The following KIAA1614 variants were observed in gnomAD, a reference collection of about 807,000 sequenced individuals.
KIAA1614 encodes KIAA1614.
In KIAA1614, 76 loss-of-function variants were observed where a neutral mutation model predicts 88.7. That is an observed-to-expected ratio of 0.86 (90% CI 0.71 to 1.04). The LOEUF (loss-of-function observed/expected upper bound fraction) is 1.04, where lower values mean the gene tolerates loss of function less well. Among genes scored for constraint, KIAA1614 ranks in the 50% least tolerant of loss-of-function variants. KIAA1614 has a pLI of 0.00. For synonymous variants in KIAA1614, 714 were observed against 675.5 expected (o/e 1.06, Z -0.88); for missense variants, 1,553 against 1,582.5 (o/e 0.98, Z 0.32).
Position 180,935,457 on chromosome 1 carries a change from G to T in KIAA1614, c.1548G>T (p.Val516=). 1 of 1,469,968 alleles carries T rather than the reference G, an allele frequency of 6.8e-7. No individual in the cohort carries two copies. Among genetic ancestry groups the T allele is most frequent in the Non-Finnish European group, 9.0e-7 (1 of 1,117,024 alleles). The allele number at this position is 1,469,968 out of a possible 1,614,324, so 91.1% of individuals were successfully genotyped here. A position where few individuals can be genotyped will look rare whatever the true frequency, so the allele number is the denominator to read the frequency against. The change falls in exon 5 of 9, where the codon GTG becomes GTT. Residue 516 remains valine, a synonymous_variant. Transcript: ENST00000367588. The surrounding 1 kb of genome is among the most constrained non-coding windows in gnomAD (Gnocchi z 6.1). ...GGCAGGGGACATTCCACAGGCTTGT[G>T]GGCAGCCTGGACCGCAGGGGACACC... ...DAGQGTFHRL[V]GSLDRRGHPA...
chr1:180,926,920 G>A (rs1654082623), intron 3 of KIAA1614, among the ~76,000 whole-genome samples: 1 of 152,236 alleles, frequency 6.6e-6, no homozygotes, highest in Non-Finnish European at 1.5e-5. Context: ...AGCCCTCCTT[G>A]TTCCAAAGCC....
Position 180,941,260 on chromosome 1 carries a change from C to T in KIAA1614, c.3134C>T (p.Ala1045Val). The T allele has an allele frequency of 6.2e-7, 1 of 1,611,676 alleles. No individual in the cohort carries two copies. Among genetic ancestry groups the T allele is most frequent in the African/African-American group, 1.3e-5 (1 of 74,998 alleles). The change falls in exon 7 of 9, where the codon GCC (alanine) becomes GTC (valine). Residue 1045 changes from alanine to valine, a missense_variant. By Grantham distance (64) the Ala-to-Val change is moderately conservative (BLOSUM62 0). Transcript: ENST00000367588. ...CCTGGCCTGACGTCACAGTCCAGGG[C>T]CCCATCGTTACAATCCCTGCACCCG... ...APPGLTSQSR[A>V]PSLQSLHPVS... is the part of the protein sequence containing the mutation.
intron 1 of KIAA1614, among the ~76,000 whole-genome samples, 168 bp from the exon 2 acceptor site, chr1:180,915,986 T>TGGCACCAGAG (rs1270277971): frequency 1.3e-5 from 2 of 152,180 alleles, no homozygotes; most frequent in African/African-American, 2.4e-5. Context: ...CCAGTCCCTC[T>TGGCACCAGAG]GGTGCCAAAA....
At chr1:180,921,455 C>T (rs537685490) in intron 3 of KIAA1614, among the ~76,000 whole-genome samples, 13 of 152,048 alleles carry the variant, frequency 8.5e-5, no homozygotes, top group South Asian at 6.2e-4. Flanking sequence ...ACCTCTGTGG[C>T]GGGGGGAGTT....
rs1200296167 is a variant in KIAA1614 at position 180,944,577 on chromosome 1, C to G, written c.3287+61C>G. ...AGAGAGTGACCAGCGGAGCCAAAAGCTTAACTCCTTCCTGCCTCAGCATCA... is the reference window on the plus strand; with the variant it reads ...AGAGAGTGACCAGCGGAGCCAAAAGGTTAACTCCTTCCTGCCTCAGCATCA... On this transcript the variant is annotated intron_variant, in intron 8 of 8. Coordinates refer to ENST00000367588, the MANE Select transcript of KIAA1614 (RefSeq NM_020950.2). 5 of 1,562,364 alleles carry G rather than the reference C, an allele frequency of 3.2e-6. No individual in the cohort carries two copies. The South Asian group carries it at 4.6e-5, about 14-fold the overall frequency.
Position 180,945,526 on chromosome 1 carries a change from G to C in KIAA1614, c.3511G>C (p.Gly1171Arg), listed in dbSNP as rs145566296. The change falls in exon 9 of 9, where the codon GGC becomes CGC. Residue 1171 changes from glycine (G) to arginine (R), a missense_variant. Gly to Arg is a moderately radical substitution (Grantham distance 125). Coordinates refer to ENST00000367588, the MANE Select transcript of KIAA1614 (RefSeq NM_020950.2). Reference protein sequence around the residue: ...SPLPQPHGWGGLSKQGRAFWL... With the variant: ...SPLPQPHGWGRLSKQGRAFWL... ...TCTTCCTCAGCCCCATGGCTGGGGC[G>C]GCCTTAGCAAACAAGGCAGGGCCTT... is the stretch of plus-strand genomic sequence containing the variant. The C allele has an allele frequency of 6.2e-7, 1 of 1,613,662 alleles. No individual in the cohort carries two copies. Among genetic ancestry groups the C allele is most frequent in the African/African-American group, 1.3e-5 (1 of 74,930 alleles).
intron 2 of KIAA1614, among the ~76,000 whole-genome samples, chr1:180,917,418 C>A (rs569449175): frequency 6.6e-6 from 1 of 151,766 alleles, no homozygotes; most frequent in East Asian, 2.0e-4. Context: ...GGCTTTTTGC[C>A]TCTCCCTCAA....
At chr1:180,928,400 C>A in intron 3 of KIAA1614, 30 bp from the exon 4 acceptor site, 2 of 1,513,230 alleles carry the variant, frequency 1.3e-6, no homozygotes, top group South Asian at 1.3e-5. Context: ...ATCCCTCCCC[C>A]ACCACCCTGG....
In KIAA1614 at chr1:180,916,602, C is replaced by A; in HGVS notation, c.499C>A (p.Pro167Thr). ...GGAGCAACCCGCCAGGGATGGAGGCCCCAGGCTTCCCAGGCCGCCTGCCCC... is the reference window on the plus strand; with the variant it reads ...GGAGCAACCCGCCAGGGATGGAGGCACCAGGCTTCCCAGGCCGCCTGCCCC... ...NEEQPARDGG[P>T]RLPRPPAPGR... The change falls in exon 2 of 9, where the codon CCC becomes ACC. Residue 167 changes from proline (P) to threonine (T), a missense_variant. By Grantham distance (38) the Pro-to-Thr change is conservative (BLOSUM62 -1). Transcript: ENST00000367588. 6.2e-7 allele frequency: 1 copy of A among 1,602,794 alleles called. No individual in the cohort carries two copies. The highest frequency in any genetic ancestry group is 1.1e-5 in the South Asian group (1 of 89,720).
rs771201645 is a variant in KIAA1614 at position 180,936,273 on chromosome 1, T to G, written c.2364T>G (p.Pro788=). The change falls in exon 5 of 9, where the codon CCT becomes CCG. Residue 788 remains proline (P), a synonymous_variant. Transcript: ENST00000367588. The part of the protein sequence containing the change: ...PSSLQQSHAE[P]SAPHQAWQPT... ...CCCTGCAACAGAGCCATGCAGAGCCTTCTGCCCCACACCAAGCCTGGCAGC... is the reference window on the plus strand; with the variant it reads ...CCCTGCAACAGAGCCATGCAGAGCCGTCTGCCCCACACCAAGCCTGGCAGC... 6.2e-7 allele frequency: 1 copy of G among 1,614,182 alleles called. No homozygotes were observed. Among genetic ancestry groups the G allele is most frequent in the East Asian group, 2.2e-5 (1 of 44,888 alleles).
intron 3 of KIAA1614, among the ~76,000 whole-genome samples, chr1:180,923,413 G>T (rs1653994878): frequency 6.6e-6 from 1 of 152,174 alleles, no homozygotes; most frequent in African/African-American, 2.4e-5. Context: ...AAGGGTTTAG[G>T]AGCTGTGTGC....
chr1:180,943,449 A>G (rs1243141815), intron 7 of KIAA1614, among the ~76,000 whole-genome samples: 2 of 125,736 alleles, frequency 1.6e-5, no homozygotes, highest in African/African-American at 3.0e-5. Flanking sequence ...CAGCAGCACA[A>G]TTTGCAATTG....
chr1:180,935,613 G>A lies in KIAA1614; in HGVS notation c.1704G>A (p.Gly568=). 1 of 1,611,498 alleles carries A rather than the reference G, an allele frequency of 6.2e-7. No homozygotes were observed. The highest frequency in any genetic ancestry group is 2.2e-5 in the East Asian group (1 of 44,840). ...TCCAGGAGCTCCAGGCTGCCTGTGG[G>A]ATGGAGAGGGTGCTGGGTGGCCTGA... The part of the protein sequence containing the change: ...RTLQELQAAC[G]MERVLGGLSS... Residue 568 remains glycine, a synonymous_variant, in exon 5 of 9, where the codon GGG becomes GGA. Transcript: ENST00000367588. The surrounding 1 kb of genome is among the most constrained non-coding windows in gnomAD (Gnocchi z 6.1).
chr1:180,925,290 A>G (rs562160025), intron 3 of KIAA1614, among the ~76,000 whole-genome samples: 7 of 152,342 alleles, frequency 4.6e-5, no homozygotes, highest in Admixed American at 2.0e-4. Context: ...AAAATTGCAC[A>G]CAGAATCACA....
chr1:180,927,962 G>A (rs1429551992), intron 3 of KIAA1614, among the ~76,000 whole-genome samples: 1 of 152,218 alleles, frequency 6.6e-6, no homozygotes, highest in African/African-American at 2.4e-5. Context: ...GGGTACTAGT[G>A]TGGTGCTGTG....
Position 180,947,954 on chromosome 1 carries a change from T to C in KIAA1614, c.*2366T>C, listed in dbSNP as rs1654632692. 1.3e-5 allele frequency: 2 copies of C among 152,376 alleles called. No homozygotes were observed. The highest frequency in any genetic ancestry group is 4.8e-5 in the African/African-American group (2 of 41,574). 9.4% of individuals were successfully genotyped at this position (152,376 alleles called of 1,614,324 possible). ...TGAGTGCACACACAACAGGTCATTG[T>C]ACTCTGCCGCCCACCCTCCCCCAGA... On this transcript the variant is annotated 3_prime_UTR_variant, in exon 9 of 9. Coordinates refer to ENST00000367588, the MANE Select transcript of KIAA1614 (RefSeq NM_020950.2).
chr1:180,936,286 C>T lies in KIAA1614; in HGVS notation c.2377C>T (p.Gln793Ter), dbSNP rs1654331583. 6.2e-7 allele frequency: 1 copy of T among 1,614,080 alleles called. No homozygotes were observed. Among genetic ancestry groups the T allele is most frequent in the Admixed American group, 1.7e-5 (1 of 60,002 alleles). The change falls in exon 5 of 9, where the codon CAA (glutamine) becomes TAA (stop). Residue 793 changes from glutamine (Q) to a stop codon, truncating the protein, a stop_gained. Coordinates refer to ENST00000367588, the MANE Select transcript of KIAA1614 (RefSeq NM_020950.2). LOFTEE classifies it high-confidence loss of function. The part of the protein sequence containing the change: ...QSHAEPSAPH[Q>*]AWQPTASLCP... ...CCATGCAGAGCCTTCTGCCCCACAC[C>T]AAGCCTGGCAGCCAACAGCTTCCTT...
Position 180,945,541 on chromosome 1 carries a change from G to A in KIAA1614, c.3526G>A (p.Gly1176Ser), listed in dbSNP as rs773555710. The change falls in exon 9 of 9, where the codon GGC becomes AGC. Residue 1176 changes from glycine (G) to serine (S), a missense_variant. Physicochemically the swap from Gly to Ser is moderately conservative, Grantham distance 56. Transcript: ENST00000367588. ...TGGCTGGGGCGGCCTTAGCAAACAA[G>A]GCAGGGCCTTCTGGCTGTGGTCAGA... The part of the protein sequence containing the change: ...PHGWGGLSKQ[G>S]RAFWLWSEAF... The A allele has an allele frequency of 5.6e-6, 9 of 1,613,616 alleles. No homozygotes were observed. Among genetic ancestry groups the A allele is most frequent in the Non-Finnish European group, 3.4e-6 (4 of 1,179,974 alleles).
chr1:180,938,448 C>A (rs1182450087), intron 5 of KIAA1614, 107 bp from the exon 6 acceptor site: 1 of 1,281,980 alleles, frequency 7.8e-7, no homozygotes, highest in East Asian at 2.5e-5. Flanking sequence ...AGCTCCACCT[C>A]TCCAGCTTCT....
Sources: gnomAD v4.1 joint callset for allele counts (sites outside exome capture counted in the v4.1 genomes callset) on GRCh38, gnomAD v4.1.1 for gene constraint, Gnocchi (gnomAD v3.1) non-coding constraint, MANE v1.5 for transcripts, NCBI Gene and HGNC (gene_info 2026-07-23, HGNC 2026-07-21) for gene names.